Variants in SPAG16 observed in about 807,000 individuals in gnomAD.
The protein encoded by SPAG16 is sperm-associated antigen 16 protein.
SPAG16 carries 86 observed loss-of-function variants against 80.4 expected under a neutral mutation model. That is an observed-to-expected ratio of 1.07 (90% CI 0.90 to 1.28). The LOEUF (loss-of-function observed/expected upper bound fraction) is 1.28, where lower values mean the gene tolerates loss of function less well. Ranked by LOEUF, SPAG16 falls within the 50% of genes most tolerant of loss-of-function variation. The pLI is 0.00. For missense variants in SPAG16, 870 were observed against 765.3 expected, an observed-to-expected ratio of 1.14 and a Z score of -1.61; for synonymous variants, 294 against 265.9, an observed-to-expected ratio of 1.11 and a Z score of -1.03.
At chr2:214,116,871 G>A (rs1398731649) in intron 14 of SPAG16, among the ~76,000 whole-genome samples, 3 of 152,150 alleles carry the variant, frequency 2.0e-5, no homozygotes, top group African/African-American at 7.2e-5. Flanking sequence ...TCTGGAAGAC[G>A]CTCTGAAAAA....
intron 10 of SPAG16, among the ~76,000 whole-genome samples, chr2:213,705,769 C>G (rs2065721551): frequency 7.4e-6 from 1 of 135,544 alleles, no homozygotes; most frequent in African/African-American, 2.8e-5. Context: ...AAGAGGAGAG[C>G]CAATCATGGT....
chr2:213,441,060 G>A (rs1443392105), intron 9 of SPAG16, among the ~76,000 whole-genome samples: 1 of 152,150 alleles, frequency 6.6e-6, no homozygotes, highest in Admixed American at 6.6e-5. Flanking sequence ...GGCATAATTA[G>A]TTTGGAAAAC....
intron 10 of SPAG16, among the ~76,000 whole-genome samples, chr2:213,555,949 T>TG (rs935265913): frequency 1.5e-4 from 23 of 151,840 alleles, no homozygotes; most frequent in African/African-American, 4.8e-4. Flanking sequence ...AAACATAAAA[T>TG]GGGGGGTGGA....
At chr2:213,700,434 C>G (rs1412793382) in intron 10 of SPAG16, among the ~76,000 whole-genome samples, 4 of 152,028 alleles carry the variant, frequency 2.6e-5, no homozygotes, top group Non-Finnish European at 4.4e-5. Context: ...ATATTTATAT[C>G]CTTTTTTTGC....
chr2:214,225,711 A>G lies in SPAG16; in HGVS notation c.1720+76445A>G, dbSNP rs910166357. On this transcript the variant is annotated intron_variant, in intron 15 of 15. Coordinates refer to ENST00000331683, the MANE Select transcript of SPAG16 (RefSeq NM_024532.5). ...TATCTTTGTGATTGTTGTGTGTCCA[A>G]TCTATGTGTTGGCACATAAATACAT... Among the ~76,000 whole-genome samples the G allele has an allele frequency of 7.9e-5, 12 of 152,128 alleles. 1 individual carries two copies. The highest frequency in any genetic ancestry group is 2.7e-4 in the African/African-American group (11 of 41,442).
At position 213,488,094 on chromosome 2, in the gene SPAG16, T is replaced by C. The variant is rs1391962784; in HGVS notation, c.943-1869T>C. Reference sequence around the variant, plus strand: ...GACCTAGGTGTTACTTCTTTTAGAATGTAAGCTCCATAAGGGAGAGAATTT... The same window carrying C: ...GACCTAGGTGTTACTTCTTTTAGAACGTAAGCTCCATAAGGGAGAGAATTT... On this transcript the variant is annotated intron_variant, in intron 9 of 15. Transcript: ENST00000331683. Among the ~76,000 whole-genome samples, 6 of 152,244 alleles carry C rather than the reference T, an allele frequency of 3.9e-5. No homozygotes were observed. In the East Asian group the frequency reaches 1.2e-3, roughly 29 times the overall value.
intron 10 of SPAG16, among the ~76,000 whole-genome samples, chr2:213,718,149 C>CAAAAAAAAAA (rs71063769): frequency 3.3e-5 from 3 of 92,236 alleles, no homozygotes; most frequent in African/African-American, 9.3e-5. Flanking sequence ...AACAAGTTTA[C>CAAAAAAAAAA]AAAAAAAAAA....
intron 13 of SPAG16, among the ~76,000 whole-genome samples, chr2:214,020,161 G>A (rs1575846185): frequency 6.6e-6 from 1 of 152,130 alleles, no homozygotes; most frequent in Admixed American, 6.6e-5. Context: ...CAGCCCAGTG[G>A]TCAGTGACAG....
intron 9 of SPAG16, among the ~76,000 whole-genome samples, chr2:213,389,108 A>C (rs1011267066): frequency 2.6e-5 from 4 of 152,206 alleles, no homozygotes; most frequent in African/African-American, 9.6e-5. Context: ...CCCAGAAATA[A>C]ACCCTCACAT....
chr2:213,748,199 A>C (rs898913302), intron 10 of SPAG16, among the ~76,000 whole-genome samples: 1 of 152,204 alleles, frequency 6.6e-6, no homozygotes, highest in African/African-American at 2.4e-5. Context: ...GTTACGAAAA[A>C]TAGAGTTGTT....
intron 15 of SPAG16, among the ~76,000 whole-genome samples, chr2:214,182,289 G>C (rs1378385083): frequency 6.6e-6 from 1 of 151,418 alleles, no homozygotes; most frequent in African/African-American, 2.4e-5. Context: ...TGAGACTCTG[G>C]GTAATCAGTT....
At chr2:214,144,538 T>A (rs2055534631) in intron 14 of SPAG16, among the ~76,000 whole-genome samples, 1 of 152,172 alleles carries the variant, frequency 6.6e-6, no homozygotes, top group South Asian at 2.1e-4. Context: ...TAGAATGTAC[T>A]GCTAAACAAA....
intron 10 of SPAG16, among the ~76,000 whole-genome samples, chr2:213,782,487 T>C (rs2070057286): frequency 6.6e-6 from 1 of 152,224 alleles, no homozygotes; most frequent in Non-Finnish European, 1.5e-5. Context: ...CAACTTTCAA[T>C]GAAGTATTTG....
chr2:214,369,288 A>G (rs556117782), intron 15 of SPAG16, among the ~76,000 whole-genome samples: 8 of 152,230 alleles, frequency 5.3e-5, no homozygotes, highest in Admixed American at 2.0e-4. Flanking sequence ...GTATATGAAG[A>G]AAAAGAAGAA....
At chr2:213,479,955 A>G (rs2073663301) in intron 9 of SPAG16, among the ~76,000 whole-genome samples, 1 of 152,188 alleles carries the variant, frequency 6.6e-6, no homozygotes, top group Non-Finnish European at 1.5e-5. Flanking sequence ...TCATATGTCC[A>G]CCTAGTTCAT....
At chr2:214,173,734 C>T (rs1390162741) in intron 15 of SPAG16, among the ~76,000 whole-genome samples, 1 of 151,846 alleles carries the variant, frequency 6.6e-6, no homozygotes, top group African/African-American at 2.4e-5. Context: ...ATGAGGCCAG[C>T]ATCATCCTGA....
chr2:213,908,653 A>T (rs940476526), intron 11 of SPAG16, among the ~76,000 whole-genome samples: 3 of 152,072 alleles, frequency 2.0e-5, no homozygotes, highest in African/African-American at 7.2e-5. Context: ...TTGATTCTAG[A>T]TTGCTAAACA....
At chr2:214,029,183 G>T (rs1172261974) in intron 13 of SPAG16, among the ~76,000 whole-genome samples, 1 of 152,026 alleles carries the variant, frequency 6.6e-6, no homozygotes, top group Non-Finnish European at 1.5e-5. Flanking sequence ...ATATCTGGGG[G>T]AAGAGTGTTC....
At chr2:213,713,805 C>A (rs1331297862) in intron 10 of SPAG16, among the ~76,000 whole-genome samples, 1 of 152,074 alleles carries the variant, frequency 6.6e-6, no homozygotes, top group Non-Finnish European at 1.5e-5. Context: ...ATTTTTAAGA[C>A]CATGAGGTAG....
Sources: gnomAD v4.1 joint callset for allele counts (sites outside exome capture counted in the v4.1 genomes callset) on GRCh38, gnomAD v4.1.1 for gene constraint, MANE v1.5 for transcripts, NCBI Gene and HGNC (gene_info 2026-07-23, HGNC 2026-07-21) for gene names.